GYS1: variants seen among roughly 807,000 people sequenced by gnomAD.
GYS1 encodes glycogen [starch] synthase, muscle.
Under a neutral mutation model 89.1 loss-of-function variants are expected in GYS1, and 60 were observed. The ratio of observed to expected loss-of-function variants is 0.67; its 90% CI spans 0.55 to 0.84. GYS1 has a LOEUF of 0.84. Ranked by LOEUF, GYS1 falls within the 40% of genes least tolerant of loss-of-function variation. The probability of loss-of-function intolerance (pLI) is 0.00; values close to 1 mark genes in which losing one functional copy is unlikely to be tolerated. For synonymous variants in GYS1, 366 were observed against 401.7 expected, an observed-to-expected ratio of 0.91 and a Z score of 1.06; for missense variants, 888 against 1,003.1, an observed-to-expected ratio of 0.89 and a Z score of 1.55.
In GYS1 at chr19:48,969,763, G is replaced by A; in HGVS notation, c.1890+12C>T. On this transcript the variant is annotated intron_variant, in intron 15 of 15. Transcript: ENST00000323798. ...TAGCTCCTGGCTAAGCAGAAATCCA[G>A]GGTCCACTCACCGCATCCGCCTCGT... is the stretch of plus-strand genomic sequence containing the variant. 6.2e-7 allele frequency: 1 copy of A among 1,612,672 alleles called. No homozygotes were observed. Among genetic ancestry groups the A allele is most frequent in the Non-Finnish European group, 8.5e-7 (1 of 1,178,858 alleles).
intron 8 of GYS1, among the ~76,000 whole-genome samples, chr19:48,979,521 C>A (rs1404627454): frequency 6.6e-6 from 1 of 151,024 alleles, no homozygotes; most frequent in Non-Finnish European, 1.5e-5. Flanking sequence ...ATTTTTAGTA[C>A]CGATGGGATT....
chr19:48,976,408 G>A (rs1051838045), intron 10 of GYS1, among the ~76,000 whole-genome samples: 1 of 152,034 alleles, frequency 6.6e-6, no homozygotes, highest in African/African-American at 2.4e-5. Context: ...GCTGCTGGGA[G>A]TTGTAGTTTT....
chr19:48,984,843 T>C (rs1008155076), intron 5 of GYS1, among the ~76,000 whole-genome samples: 15 of 151,834 alleles, frequency 9.9e-5, no homozygotes, highest in Non-Finnish European at 2.2e-4. Context: ...ATAGCGCCAC[T>C]GCACTCCAGC....
intron 8 of GYS1, 88 bp from the exon 9 acceptor site, chr19:48,978,245 G>T: frequency 8.4e-7 from 1 of 1,193,124 alleles, no homozygotes. Flanking sequence ...TTTATTTTGA[G>T]ACGGAGTTTG....
chr19:48,987,447 C>G, intron 2 of GYS1, 62 bp from the exon 3 acceptor site: 2 of 1,319,018 alleles, frequency 1.5e-6, no homozygotes, highest in Non-Finnish European at 2.1e-6. Flanking sequence ...TATCTTCACT[C>G]ATCCGTGGTT....
chr19:48,982,592 C>A, intron 6 of GYS1, 128 bp downstream of exon 6: 1 of 870,714 alleles, frequency 1.1e-6, no homozygotes, highest in Non-Finnish European at 1.9e-6. Context: ...ATTAAGGAGG[C>A]CGAATACCCA....
intron 8 of GYS1, among the ~76,000 whole-genome samples, chr19:48,980,961 A>C (rs572917992): frequency 6.6e-6 from 1 of 151,978 alleles, no homozygotes; most frequent in African/African-American, 2.4e-5. Context: ...ATAAAAATAA[A>C]AAGTTAGCCA....
Position 48,993,085 on chromosome 19 carries a change from A to AGT in GYS1, c.27_28insAC (p.Ser10ThrfsTer45), listed in dbSNP as rs1380352821. 1 of 1,611,946 alleles carries AGT rather than the reference A, an allele frequency of 6.2e-7. No homozygotes were observed. Among genetic ancestry groups the AGT allele is most frequent in the Non-Finnish European group, 8.5e-7 (1 of 1,178,102 alleles). Reference sequence around the variant, plus strand: ...CAGTCCTCCAGTCCTGGCAGTGAGGACATGGACAAAGTGCGGTTTAAAGGC... The same window carrying AGT: ...CAGTCCTCCAGTCCTGGCAGTGAGGAGTCATGGACAAAGTGCGGTTTAAAGGC... On this transcript the variant is annotated frameshift_variant, in exon 1 of 16. Transcript: ENST00000323798. LOFTEE classifies it high-confidence loss of function.
At chr19:48,973,571 G>A (rs1297308134) in intron 12 of GYS1, among the ~76,000 whole-genome samples, 1 of 147,542 alleles carries the variant, frequency 6.8e-6, no homozygotes, top group East Asian at 2.0e-4. Context: ...CACTGCCGGA[G>A]TGCAGTGGCA....
At chr19:48,990,304 A>T (rs1196008591) in intron 2 of GYS1, among the ~76,000 whole-genome samples, 1 of 144,650 alleles carries the variant, frequency 6.9e-6, no homozygotes, top group Non-Finnish European at 1.5e-5. Flanking sequence ...GGGCCCTGGA[A>T]CTCCCCCTCC....
intron 2 of GYS1, among the ~76,000 whole-genome samples, chr19:48,988,850 A>G (rs2038879553): frequency 6.6e-6 from 1 of 151,932 alleles, no homozygotes; most frequent in South Asian, 2.1e-4. Context: ...TCCTGGCCTC[A>G]GCCTACCAAA....
chr19:48,969,740 G>C (rs202032072), intron 15 of GYS1, 35 bp downstream of exon 15: 26 of 1,603,014 alleles, frequency 1.6e-5, no homozygotes, highest in Non-Finnish European at 2.1e-5. Flanking sequence ...CAGCCCTTTA[G>C]CTCCTGGCTA....
intron 5 of GYS1, among the ~76,000 whole-genome samples, chr19:48,983,972 C>T (rs917912538): frequency 6.6e-6 from 1 of 152,140 alleles, no homozygotes; most frequent in Admixed American, 6.5e-5. Context: ...CTGATGGTCC[C>T]CAGCTTAGGA....
Position 48,969,300 on chromosome 19 carries a change from C to T in GYS1, c.2202G>A (p.Glu734=). The part of the protein sequence containing the change: ...EPLSPTSSLG[E]ERN ...TGGTGGGGCGGACTTAGTTACGCTCCTCGCCCAGGGAGCTGGTGGGGCTGA... is the reference window on the plus strand; with the variant it reads ...TGGTGGGGCGGACTTAGTTACGCTCTTCGCCCAGGGAGCTGGTGGGGCTGA... The change falls in exon 16 of 16, where the codon GAG becomes GAA. Residue 734 remains glutamate, a synonymous_variant. Coordinates refer to ENST00000323798, the MANE Select transcript of GYS1 (RefSeq NM_002103.5). 1.3e-6 allele frequency: 2 copies of T among 1,560,550 alleles called. No homozygotes were observed. The highest frequency in any genetic ancestry group is 1.7e-6 in the Non-Finnish European group (2 of 1,160,606).
chr19:48,990,557 A>T (rs2038910880), intron 2 of GYS1, among the ~76,000 whole-genome samples: 1 of 152,158 alleles, frequency 6.6e-6, no homozygotes, highest in African/African-American at 2.4e-5. Context: ...AATGACGATG[A>T]TCATAACAAT....
chr19:48,969,926 C>G, intron 14 of GYS1, 71 bp from the exon 15 acceptor site: 2 of 973,848 alleles, frequency 2.1e-6, no homozygotes, highest in Non-Finnish European at 3.3e-6. Context: ...TGATGGGGGT[C>G]TTGGCCACAC....
chr19:48,987,472 C>T, intron 2 of GYS1, 87 bp from the exon 3 acceptor site: 1 of 1,035,360 alleles, frequency 9.7e-7, no homozygotes, highest in Non-Finnish European at 1.4e-6. Flanking sequence ...CATTTGCAGG[C>T]AGATGTCTAT....
At chr19:48,973,398 G>T (rs190878573) in intron 12 of GYS1, among the ~76,000 whole-genome samples, 1 of 151,738 alleles carries the variant, frequency 6.6e-6, no homozygotes. Flanking sequence ...AAGGCCTATG[G>T]AAAAAGGGAA....
At position 48,987,308 on chromosome 19, in the gene GYS1, C is replaced by T. The variant is rs748713347; in HGVS notation, c.378G>A (p.Leu126=). ...LLDVGASAWA[L]ERWKGELWDT... ...CCCAGAGCTCTCCCTTCCAGCGCTCCAGGGCCCAAGCTGAGGCACCCACGT... is the reference window on the plus strand; with the variant it reads ...CCCAGAGCTCTCCCTTCCAGCGCTCTAGGGCCCAAGCTGAGGCACCCACGT... Residue 126 remains leucine, a synonymous_variant, in exon 3 of 16, where the codon CTG becomes CTA. Transcript: ENST00000323798. The T allele has an allele frequency of 1.9e-6, 3 of 1,612,736 alleles. No homozygotes were observed. The South Asian group carries it at 3.3e-5, about 18-fold the overall frequency.
Sources: allele counts gnomAD v4.1 joint callset (sites outside exome capture counted in the v4.1 genomes callset), GRCh38; gene constraint gnomAD v4.1.1; transcripts MANE v1.5; gene names NCBI Gene and HGNC (gene_info 2026-07-23, HGNC 2026-07-21).